EDIL3: variants seen among roughly 807,000 people sequenced by gnomAD.
EDIL3 encodes the protein EGF-like repeat and discoidin I-like domain-containing protein 3.
A neutral mutation model predicts 67.4 loss-of-function variants in EDIL3; 37 were observed. That is an observed-to-expected ratio of 0.55 (90% CI 0.42 to 0.72). EDIL3 has a LOEUF of 0.72. Ranked by LOEUF, EDIL3 falls within the 30% of genes least tolerant of loss-of-function variation. The probability of loss-of-function intolerance (pLI) is 0.00; values close to 1 mark genes in which losing one functional copy is unlikely to be tolerated. For missense variants in EDIL3, 527 were observed against 586.3 expected (o/e 0.90, Z 1.04); for synonymous variants, 195 against 196.3 (o/e 0.99, Z 0.05).
intron 3 of EDIL3, among the ~76,000 whole-genome samples, chr5:84,206,449 T>G (rs940993483): frequency 7.9e-5 from 12 of 152,146 alleles, no homozygotes; most frequent in African/African-American, 2.9e-4. Context: ...CAGAGCTGAG[T>G]TCAATTCCTG....
At chr5:84,266,581 G>A (rs539975234) in intron 1 of EDIL3, among the ~76,000 whole-genome samples, 1 of 152,146 alleles carries the variant, frequency 6.6e-6, no homozygotes, top group Non-Finnish European at 1.5e-5. Flanking sequence ...GTCCCATGTA[G>A]CTCTGTTTTG....
chr5:84,260,359 T>G (rs530354048), intron 1 of EDIL3, among the ~76,000 whole-genome samples: 1 of 152,160 alleles, frequency 6.6e-6, no homozygotes, highest in Non-Finnish European at 1.5e-5. Context: ...GCCCTCATGA[T>G]AGGTAAGACA....
At chr5:84,193,670 A>C (rs13354843) in intron 3 of EDIL3, among the ~76,000 whole-genome samples, 4,274 of 152,024 alleles carry the variant, frequency 0.028, 206 homozygotes, top group African/African-American at 0.097. Flanking sequence ...CAACATACAG[A>C]GAGGCAGGAA....
intron 9 of EDIL3, among the ~76,000 whole-genome samples, chr5:84,018,615 T>C (rs541494887): frequency 2.6e-5 from 4 of 152,316 alleles, no homozygotes; most frequent in African/African-American, 7.2e-5. Context: ...CTGTCTTCAG[T>C]TGGAGCAATC....
rs70975548 is a variant in EDIL3, at chr5:84,252,493, CAAAAAA to C, written c.196+1585_196+1590del. 1.1e-3 allele frequency among the ~76,000 whole-genome samples: 33 copies of C among 28,954 alleles called. 1 individual carries two copies. The highest frequency in any genetic ancestry group is 5.5e-3 in the Admixed American group (8 of 1,464). The allele number at this position is 28,954 out of a possible 152,430, so 19.0% of individuals were successfully genotyped here. A position where few individuals can be genotyped will look rare whatever the true frequency, so the allele number is the denominator to read the frequency against. ...TGTGCGACAAAGTGAGACTCCGTCT[CAAAAAA>C]AAAAAAAAAAAAAAAAAAATTCTGC... On this transcript the variant is annotated intron_variant, in intron 2 of 10. Coordinates refer to ENST00000296591, the MANE Select transcript of EDIL3 (RefSeq NM_005711.5).
rs142210795 is a variant in EDIL3, at chr5:84,283,905, C to A, written c.68-29693G>T. On this transcript the variant is annotated intron_variant, in intron 1 of 10. Coordinates refer to ENST00000296591, the MANE Select transcript of EDIL3 (RefSeq NM_005711.5). The stretch of plus-strand genomic sequence containing the variant: ...GCAAAACTTTTCAGTGAAAAGCACA[C>A]CACTCATCCAGCTGTACAGGACCAG... Among the ~76,000 whole-genome samples the A allele has an allele frequency of 8.8e-4, 134 of 152,224 alleles. 1 individual carries two copies. The highest frequency in any genetic ancestry group is 3.1e-3 in the African/African-American group (127 of 41,556).
chr5:84,011,267 G>A (rs953080110), intron 9 of EDIL3, among the ~76,000 whole-genome samples: 3 of 151,870 alleles, frequency 2.0e-5, no homozygotes, highest in African/African-American at 4.8e-5. Flanking sequence ...CTTAGCAATC[G>A]GCCAAAAAAC....
At chr5:84,248,783 A>T (rs1313020687) in intron 2 of EDIL3, among the ~76,000 whole-genome samples, 3 of 151,956 alleles carry the variant, frequency 2.0e-5, no homozygotes, top group Non-Finnish European at 2.9e-5. Flanking sequence ...TTTTCTTCAT[A>T]CCCCATAAAT....
chr5:84,137,367 G>A lies in EDIL3; in HGVS notation c.356-13C>T, dbSNP rs754441840. ...CATTCATTTATGTCTAAGAAAAACA[G>A]AAAGGACAGAGGAAGAGAATTATTG... On this transcript the variant is annotated splice_polypyrimidine_tract_variant and intron_variant, in intron 4 of 10. Transcript: ENST00000296591. 12 of 1,602,412 alleles carry A rather than the reference G, an allele frequency of 7.5e-6. No homozygotes were observed. Among genetic ancestry groups the A allele is most frequent in the Non-Finnish European group, 1.0e-5 (12 of 1,172,584 alleles).
At chr5:84,067,112 A>G (rs1746656350) in intron 6 of EDIL3, among the ~76,000 whole-genome samples, 1 of 152,196 alleles carries the variant, frequency 6.6e-6, no homozygotes, top group East Asian at 1.9e-4. Context: ...GTCCAAACCA[A>G]AAACAAACAA....
chr5:84,015,434 T>C (rs1374682844), intron 9 of EDIL3, among the ~76,000 whole-genome samples: 3 of 152,214 alleles, frequency 2.0e-5, no homozygotes, highest in South Asian at 2.1e-4. Context: ...GTTTATTTGC[T>C]AGACATTGCT....
At chr5:84,086,538 A>C (rs1747075742) in intron 6 of EDIL3, among the ~76,000 whole-genome samples, 1 of 151,900 alleles carries the variant, frequency 6.6e-6, no homozygotes. Flanking sequence ...GAAATGCAGA[A>C]ATCAACTACC....
chr5:84,124,437 T>C (rs924643635), intron 5 of EDIL3, among the ~76,000 whole-genome samples: 2 of 151,824 alleles, frequency 1.3e-5, no homozygotes, highest in Non-Finnish European at 2.9e-5. Flanking sequence ...AAAACATGTT[T>C]AAGAAAATTT....
intron 1 of EDIL3, among the ~76,000 whole-genome samples, chr5:84,383,242 C>T (rs560781686): frequency 1.9e-3 from 293 of 152,228 alleles, no homozygotes; most frequent in Admixed American, 3.5e-3. Flanking sequence ...TGGCACAGCT[C>T]CCCCAGGCAC....
chr5:84,218,723 G>A (rs976105672), intron 3 of EDIL3, among the ~76,000 whole-genome samples: 1 of 152,220 alleles, frequency 6.6e-6, no homozygotes, highest in African/African-American at 2.4e-5. Flanking sequence ...CTCACCACAA[G>A]TTGATGACTC....
intron 3 of EDIL3, among the ~76,000 whole-genome samples, chr5:84,214,681 C>G (rs1191763936): frequency 6.6e-6 from 1 of 151,426 alleles, no homozygotes; most frequent in African/African-American, 2.4e-5. Context: ...ATCATCACCC[C>G]TCTCTTTGTA....
At chr5:84,014,409 G>C (rs1050995464) in intron 9 of EDIL3, among the ~76,000 whole-genome samples, 1 of 152,194 alleles carries the variant, frequency 6.6e-6, no homozygotes, top group Non-Finnish European at 1.5e-5. Context: ...CATTTTGGGA[G>C]GCCAAGGCAG....
intron 1 of EDIL3, among the ~76,000 whole-genome samples, chr5:84,328,224 C>G (rs1007759728): frequency 1.3e-5 from 2 of 151,992 alleles, no homozygotes; most frequent in African/African-American, 4.8e-5. Flanking sequence ...TTCTATATAA[C>G]TAGATGTTCT....
At chr5:84,119,902 A>G (rs1482907747) in intron 5 of EDIL3, among the ~76,000 whole-genome samples, 1 of 151,820 alleles carries the variant, frequency 6.6e-6, no homozygotes, top group Non-Finnish European at 1.5e-5. Context: ...TTTTTGTTTC[A>G]TCATGACTTA....
Sources: gnomAD v4.1 joint callset for allele counts (sites outside exome capture counted in the v4.1 genomes callset) on GRCh38, gnomAD v4.1.1 for gene constraint, MANE v1.5 for transcripts, NCBI Gene and HGNC (gene_info 2026-07-23, HGNC 2026-07-21) for gene names.